Variants in SPATA2L observed in about 807,000 individuals in gnomAD.
SPATA2L encodes the protein spermatogenesis-associated protein 2-like protein.
A neutral mutation model predicts 8.7 loss-of-function variants in SPATA2L; 5 were observed. The ratio of observed to expected loss-of-function variants is 0.57; its 90% CI spans 0.30 to 1.21. The LOEUF (loss-of-function observed/expected upper bound fraction) is 1.21, where lower values mean the gene tolerates loss of function less well. SPATA2L is among the 50% of genes most tolerant of loss of function. The probability of loss-of-function intolerance (pLI) is 0.07; values close to 1 mark genes in which losing one functional copy is unlikely to be tolerated. For missense variants in SPATA2L, 671 were observed against 591.0 expected (o/e 1.14, Z -1.40); for synonymous variants, 358 against 275.8 (o/e 1.30, Z -2.95).
At chr16:89,698,351 C>G in intron 2 of SPATA2L, 46 bp from the exon 3 acceptor site, 1 of 1,523,944 alleles carries the variant, frequency 6.6e-7, no homozygotes, top group Non-Finnish European at 8.8e-7. Flanking sequence ...CTCCCATAGG[C>G]CAGACCCTAG....
At position 89,699,460 on chromosome 16, in the gene SPATA2L, C is replaced by T. The variant is rs546460762; in HGVS notation, c.304-1155G>A. 2.6e-5 allele frequency among the ~76,000 whole-genome samples: 4 copies of T among 152,292 alleles called. No homozygotes were observed. In the South Asian group the frequency reaches 6.2e-4, roughly 24 times the overall value. On this transcript the variant is annotated intron_variant, in intron 2 of 2. Coordinates refer to ENST00000289805, the MANE Select transcript of SPATA2L (RefSeq NM_152339.4). ...TTCATTCCCCCTGCTGTGTAGTATTCCACCATGGGGGTGACACGTCTGTTT... is the reference window on the plus strand; with the variant it reads ...TTCATTCCCCCTGCTGTGTAGTATTTCACCATGGGGGTGACACGTCTGTTT...
Position 89,697,959 on chromosome 16 carries a change from G to A in SPATA2L, c.650C>T (p.Ser217Phe). 1 of 1,606,524 alleles carries A rather than the reference G, an allele frequency of 6.2e-7. No homozygotes were observed. Among genetic ancestry groups the A allele is most frequent in the African/African-American group, 1.3e-5 (1 of 74,986 alleles). The change falls in exon 3 of 3, where the codon TCC becomes TTC. Residue 217 changes from serine to phenylalanine, a missense_variant. Coordinates refer to ENST00000289805, the MANE Select transcript of SPATA2L (RefSeq NM_152339.4). ...EEPPPLPPRG[S>F]PAAYRAPLDL... ...CAGTGGGGCCCTGTAAGCAGCAGGG[G>A]AGCCTCGGGGGGGCAGGGGTGGCGG...
At chr16:89,700,338 C>A (rs2060767571) in intron 2 of SPATA2L, among the ~76,000 whole-genome samples, 1 of 152,192 alleles carries the variant, frequency 6.6e-6, no homozygotes, top group African/African-American at 2.4e-5. Context: ...CGCCCACGTG[C>A]CCAGTGACGT....
At position 89,697,130 on chromosome 16, in the gene SPATA2L, G is replaced by A. The variant is rs2060735572; in HGVS notation, c.*204C>T. 3.6e-6 allele frequency: 5 copies of A among 1,374,718 alleles called. No homozygotes were observed. The highest frequency in any genetic ancestry group is 3.9e-5 in the South Asian group (2 of 51,744). The allele number at this position is 1,374,718 out of a possible 1,614,324, so 85.2% of individuals were successfully genotyped here. A position where few individuals can be genotyped will look rare whatever the true frequency, so the allele number is the denominator to read the frequency against. On this transcript the variant is annotated 3_prime_UTR_variant, in exon 3 of 3. Transcript: ENST00000289805. ...GGGGAAATGTGGAAAGGCTCCTGCTGGCCGGCTTAGGCCTGCTGCCCTTGG... is the reference window on the plus strand; with the variant it reads ...GGGGAAATGTGGAAAGGCTCCTGCTAGCCGGCTTAGGCCTGCTGCCCTTGG...
rs2060773488 is a variant in SPATA2L at position 89,701,154 on chromosome 16, C to T, written c.79G>A (p.Gly27Arg). ...ELRRGRAGVC[G>R]DPSLRAVLWQ... ...AGCACCGCGCGCAGCGAGGGGTCCC[C>T]GCACACGCCCGCGCGGCCCCGTCGC... The change falls in exon 2 of 3, where the codon GGG (glycine) becomes AGG (arginine). Residue 27 changes from glycine to arginine, a missense_variant. Coordinates refer to ENST00000289805, the MANE Select transcript of SPATA2L (RefSeq NM_152339.4). 6.6e-7 allele frequency: 1 copy of T among 1,507,036 alleles called. No homozygotes were observed. The highest frequency in any genetic ancestry group is 1.2e-5 in the South Asian group (1 of 81,404). 93.4% of individuals were successfully genotyped at this position (1,507,036 alleles called of 1,614,324 possible).
chr16:89,696,648 C>T lies in SPATA2L; in HGVS notation c.*686G>A. On this transcript the variant is annotated 3_prime_UTR_variant, in exon 3 of 3. Transcript: ENST00000289805. ...CCCCGCCGCCTGGGCGGGCTGTCCACAGGCCCTTCCGCCCAGCAGCAGTGA... is the reference window on the plus strand; with the variant it reads ...CCCCGCCGCCTGGGCGGGCTGTCCATAGGCCCTTCCGCCCAGCAGCAGTGA... 4 of 889,758 alleles carry T rather than the reference C, an allele frequency of 4.5e-6. No homozygotes were observed. The highest frequency in any genetic ancestry group is 6.7e-6 in the Non-Finnish European group (4 of 597,874). 55.1% of individuals were successfully genotyped at this position (889,758 alleles called of 1,614,324 possible).
At position 89,696,750 on chromosome 16, in the gene SPATA2L, A is replaced by C; in HGVS notation, c.*584T>G. The C allele has an allele frequency of 6.6e-7, 1 of 1,514,842 alleles. No individual in the cohort carries two copies. The highest frequency in any genetic ancestry group is 8.8e-7 in the Non-Finnish European group (1 of 1,130,334). 93.8% of individuals were successfully genotyped at this position (1,514,842 alleles called of 1,614,324 possible). ...GCACCTCCACATCTGGTTTGAGGTC[A>C]GGTCATTTCCTGTCTGTGGGCCCAG... On this transcript the variant is annotated 3_prime_UTR_variant, in exon 3 of 3. Transcript: ENST00000289805.
rs752341992 is a variant in SPATA2L at position 89,700,975 on chromosome 16, C to T, written c.258G>A (p.Val86=). The change falls in exon 2 of 3, where the codon GTG becomes GTA. Residue 86 remains valine, a synonymous_variant. Coordinates refer to ENST00000289805, the MANE Select transcript of SPATA2L (RefSeq NM_152339.4). ...RAFELLELAA[V]HLYLLPWRKE... Reference sequence around the variant, plus strand: ...TCCTCCAGGGCAGCAGGTACAGGTGCACCGCGGCGAGCTCCAGAAGCTCGA... The same window carrying T: ...TCCTCCAGGGCAGCAGGTACAGGTGTACCGCGGCGAGCTCCAGAAGCTCGA... 58 of 1,552,656 alleles carry T rather than the reference C, an allele frequency of 3.7e-5. No homozygotes were observed. Among genetic ancestry groups the T allele is most frequent in the Non-Finnish European group, 5.0e-5 (57 of 1,151,208 alleles).
intron 2 of SPATA2L, among the ~76,000 whole-genome samples, chr16:89,698,629 G>T (rs1567533395): frequency 6.6e-6 from 1 of 151,392 alleles, no homozygotes; most frequent in Non-Finnish European, 1.5e-5. Context: ...TGGGACTACA[G>T]GCGCCCACCA....
In SPATA2L at chr16:89,697,270, C is replaced by G; in HGVS notation, c.*64G>C. ...AGGCAACCAGAGGCCCAGACCCCTC[C>G]CCAGCAAAGAGAAGCACCACGGGAG... On this transcript the variant is annotated 3_prime_UTR_variant, in exon 3 of 3. Transcript: ENST00000289805. 2.8e-6 allele frequency: 4 copies of G among 1,450,984 alleles called. No individual in the cohort carries two copies. Among genetic ancestry groups the G allele is most frequent in the Non-Finnish European group, 3.6e-6 (4 of 1,106,894 alleles). The allele number at this position is 1,450,984 out of a possible 1,614,324, so 89.9% of individuals were successfully genotyped here.
intron 2 of SPATA2L, among the ~76,000 whole-genome samples, chr16:89,700,682 G>C (rs1425563778): frequency 6.6e-6 from 1 of 152,206 alleles, no homozygotes; most frequent in Non-Finnish European, 1.5e-5. Flanking sequence ...AGACACTGAC[G>C]CAAGCTCTCA....
At position 89,697,807 on chromosome 16, in the gene SPATA2L, C is replaced by T. The variant is rs1213397308; in HGVS notation, c.802G>A (p.Ala268Thr). Residue 268 changes from alanine (A) to threonine (T), a missense_variant, in exon 3 of 3, where the codon GCC becomes ACC. Ala to Thr is a moderately conservative substitution (Grantham distance 58). Transcript: ENST00000289805. ...CGGCCCCCAGTGCCCCACAGTTTGG[C>T]ACTCTGCTCCCAGAGTGGTGGCCTG... ...AYRPPLWEQS[A>T]KLWGTGGRAW... The T allele has an allele frequency of 6.2e-7, 1 of 1,602,090 alleles. No homozygotes were observed. The highest frequency in any genetic ancestry group is 8.5e-7 in the Non-Finnish European group (1 of 1,175,556).
rs1046903417 is a variant in SPATA2L, at chr16:89,697,454, C to A, written c.1155G>T (p.Leu385=). The part of the protein sequence containing the change: ...RQLHAAHCAA[L]PACRPGHSLR... ...GCGAGTGGCCTGGACGGCAGGCGGG[C>A]AGGGCTGCACAGTGGGCAGCATGCA... The change falls in exon 3 of 3, where the codon CTG becomes CTT. Residue 385 remains leucine, a synonymous_variant. Transcript: ENST00000289805. 1 of 1,604,852 alleles carries A rather than the reference C, an allele frequency of 6.2e-7. No homozygotes were observed. The highest frequency in any genetic ancestry group is 1.3e-5 in the African/African-American group (1 of 74,932).
At chr16:89,700,779 G>C (rs1048500851) in intron 2 of SPATA2L, 151 bp downstream of exon 2, 1 of 864,856 alleles carries the variant, frequency 1.2e-6, no homozygotes, top group Admixed American at 3.7e-5. Flanking sequence ...ACACGCCCAC[G>C]ACCCCTCAGC....
intron 2 of SPATA2L, among the ~76,000 whole-genome samples, chr16:89,698,749 A>G (rs2060755596): frequency 1.3e-5 from 2 of 150,566 alleles, no homozygotes; most frequent in African/African-American, 4.9e-5. Context: ...GAGCTCCCAA[A>G]GTGCTGGGAT....
rs199820291 is a variant in SPATA2L at position 89,697,611 on chromosome 16, G to C, written c.998C>G (p.Pro333Arg). The C allele has an allele frequency of 1.9e-6, 3 of 1,604,334 alleles. No homozygotes were observed. The highest frequency in any genetic ancestry group is 1.3e-5 in the African/African-American group (1 of 74,912). ...TACCCCCTCTGCCCGAATACGCCTCGGGCTGGCCGCTGCAGAGCTTTCAGG... is the reference window on the plus strand; with the variant it reads ...TACCCCCTCTGCCCGAATACGCCTCCGGCTGGCCGCTGCAGAGCTTTCAGG... ...ATPESSAAAS[P>R]RRIRAEGVPA... The change falls in exon 3 of 3, where the codon CCG becomes CGG. Residue 333 changes from proline (P) to arginine (R), a missense_variant. Pro to Arg is a moderately radical substitution (Grantham distance 103). Transcript: ENST00000289805.
chr16:89,701,055 C>A lies in SPATA2L; in HGVS notation c.178G>T (p.Gly60Trp). 6.4e-7 allele frequency: 1 copy of A among 1,572,640 alleles called. No individual in the cohort carries two copies. Among genetic ancestry groups the A allele is most frequent in the East Asian group, 2.4e-5 (1 of 42,354 alleles). Residue 60 changes from glycine to tryptophan, a missense_variant, in exon 2 of 3, where the codon GGG (glycine) becomes TGG (tryptophan). Gly to Trp is a radical substitution (Grantham distance 184). Transcript: ENST00000289805. ...GCCAGGTCGGCGCGGCCCCACAGCC[C>A]GTCGGTGAGCAGAGCCAGCGCGTCG... ...QDDALALLTD[G>W]LWGRADLAPA...
In SPATA2L at chr16:89,696,677, T is replaced by G; in HGVS notation, c.*657A>C. 1 of 1,152,032 alleles carries G rather than the reference T, an allele frequency of 8.7e-7. No homozygotes were observed. The highest frequency in any genetic ancestry group is 1.2e-6 in the Non-Finnish European group (1 of 823,274). 71.4% of individuals were successfully genotyped at this position (1,152,032 alleles called of 1,614,324 possible). ...CCCTTCCGCCCAGCAGCAGTGACGC[T>G]CAGGGCCTTCCCAGCTGTCAGCCAC... On this transcript the variant is annotated 3_prime_UTR_variant, in exon 3 of 3. Transcript: ENST00000289805.
rs370244859 is a variant in SPATA2L at position 89,700,282 on chromosome 16, C to T, written c.303+648G>A. On this transcript the variant is annotated intron_variant, in intron 2 of 2. Transcript: ENST00000289805. ...CCGACCAGCAGGTGTCCCCGGGGAG[C>T]CGCGGAGAGACTGCCGCTGCCATGG... 3.9e-5 allele frequency among the ~76,000 whole-genome samples: 6 copies of T among 152,348 alleles called. No individual in the cohort carries two copies. The South Asian group carries it at 1.2e-3, about 32-fold the overall frequency.
Sources: gnomAD v4.1 joint callset for allele counts (sites outside exome capture counted in the v4.1 genomes callset) on GRCh38, gnomAD v4.1.1 for gene constraint, MANE v1.5 for transcripts, NCBI Gene and HGNC (gene_info 2026-07-23, HGNC 2026-07-21) for gene names.